The following PITRM1 variants were observed in gnomAD, a reference collection of about 807,000 sequenced individuals.
PITRM1 encodes presequence protease, mitochondrial.
PITRM1 carries 100 observed loss-of-function variants against 129.9 expected under a neutral mutation model. The ratio of observed to expected loss-of-function variants is 0.77; its 90% confidence interval spans 0.65 to 0.91. PITRM1 has a LOEUF of 0.91. Ranked by LOEUF, PITRM1 falls within the 40% of genes least tolerant of loss-of-function variation. The pLI, the probability that PITRM1 is intolerant of heterozygous loss-of-function variation, is 0.00. For missense variants in PITRM1, 1,471 were observed against 1,318.3 expected, an observed-to-expected ratio of 1.12 and a Z score of -1.79; for synonymous variants, 591 against 508.8, an observed-to-expected ratio of 1.16 and a Z score of -2.17.
chr10:3,149,377 T>C (rs1841266466), intron 16 of PITRM1: 1 of 345,382 alleles, frequency 2.9e-6, no homozygotes, highest in African/African-American at 2.1e-5. Flanking sequence ...CTTCATAGGC[T>C]GAGATGGAGA....
At position 3,158,916 on chromosome 10, in the gene PITRM1, A is replaced by G; in HGVS notation, c.1134T>C (p.Val378=). 1 of 1,613,046 alleles carries G rather than the reference A, an allele frequency of 6.2e-7. No homozygotes were observed. The highest frequency in any genetic ancestry group is 1.1e-5 in the South Asian group (1 of 90,884). Reference sequence around the variant, plus strand: ...ATCTAATCTAATCATAAACTCACCCAACATCAGGAGAAAAGTCTGTGCCAA... The same window carrying G: ...ATCTAATCTAATCATAAACTCACCCGACATCAGGAGAAAAGTCTGTGCCAA... ...SGLGTDFSPD[V]GYNGYTREAY... The change falls in exon 10 of 27, where the codon GTT becomes GTC. Residue 378 remains valine (V), a splice_region_variant and synonymous_variant. Transcript: ENST00000224949.
chr10:3,161,874 G>T (rs1410887781), intron 7 of PITRM1, among the ~76,000 whole-genome samples: 1 of 148,014 alleles, frequency 6.8e-6, no homozygotes, highest in African/African-American at 2.5e-5. Flanking sequence ...AAGAAGAAAA[G>T]AAAGAACTCT....
At chr10:3,154,700 G>GT (rs1252495741) in intron 14 of PITRM1, among the ~76,000 whole-genome samples, 6 of 152,122 alleles carry the variant, frequency 3.9e-5, no homozygotes, top group Non-Finnish European at 8.8e-5. Flanking sequence ...TGAATTGTTC[G>GT]TTTTTCGTAT....
Position 3,147,186 on chromosome 10 carries a change from C to T in PITRM1, c.2300G>A (p.Arg767His), listed in dbSNP as rs534896908. The T allele has an allele frequency of 4.5e-5, 73 of 1,605,500 alleles. No individual in the cohort carries two copies. The highest frequency in any genetic ancestry group is 8.3e-5 in the Admixed American group (5 of 59,962). Residue 767 changes from arginine (R) to histidine (H), a missense_variant, in exon 20 of 27, where the codon CGT (arginine) becomes CAT (histidine). Coordinates refer to ENST00000224949, the MANE Select transcript of PITRM1 (RefSeq NM_014889.4). ...DIKPILRKLP[R>H]IKKHLLNGDN... ...ACCATTTAACAAGTGTTTCTTGATACGCGGGAGCTTCCTCAGGATGGGTTT... is the reference window on the plus strand; with the variant it reads ...ACCATTTAACAAGTGTTTCTTGATATGCGGGAGCTTCCTCAGGATGGGTTT...
chr10:3,150,442 T>A (rs566805581), intron 15 of PITRM1, among the ~76,000 whole-genome samples: 1 of 152,104 alleles, frequency 6.6e-6, no homozygotes, highest in Non-Finnish European at 1.5e-5. Flanking sequence ...GATACAAACA[T>A]GACAAGCGCT....
At chr10:3,141,864 C>T in intron 23 of PITRM1, 1 of 230,150 alleles carries the variant, frequency 4.3e-6, no homozygotes, top group South Asian at 4.3e-5. Flanking sequence ...AAACCCAGCG[C>T]CACTCGGGTG....
chr10:3,163,857 T>A lies in PITRM1; in HGVS notation c.659A>T (p.His220Leu). ...FTDNERIFSQHLQNRLLPDHT... is the reference protein window; with the variant it reads ...FTDNERIFSQLLQNRLLPDHT... Reference sequence around the variant, plus strand: ...GTCAGGAAGAAGTCTGTTCTGAAGGTGCTGGGAGAATATCCTCTCATTGTC... The same window carrying A: ...GTCAGGAAGAAGTCTGTTCTGAAGGAGCTGGGAGAATATCCTCTCATTGTC... Residue 220 changes from histidine to leucine, a missense_variant, in exon 7 of 27, where the codon CAC becomes CTC. Physicochemically the swap from His to Leu is moderately conservative, Grantham distance 99. Transcript: ENST00000224949. The A allele has an allele frequency of 6.2e-7, 1 of 1,608,564 alleles. No homozygotes were observed. The highest frequency in any genetic ancestry group is 8.5e-7 in the Non-Finnish European group (1 of 1,177,464).
intron 16 of PITRM1, chr10:3,148,538 C>T (rs771606246): frequency 3.6e-5 from 17 of 467,102 alleles, no homozygotes; most frequent in Non-Finnish European, 5.7e-5. Context: ...AGGCACAAGA[C>T]ACTTGGGCAG....
At chr10:3,167,920 G>A (rs568541571) in intron 2 of PITRM1, 1 of 152,264 alleles carries the variant, frequency 6.6e-6, no homozygotes, top group South Asian at 2.1e-4. Flanking sequence ...CCACAAGACA[G>A]ACGAAAGACT....
chr10:3,144,131 G>T (rs1840581074), intron 22 of PITRM1, 161 bp downstream of exon 22: 2 of 608,414 alleles, frequency 3.3e-6, no homozygotes, highest in African/African-American at 1.9e-5. Flanking sequence ...GAGAGAAAAG[G>T]CTCAGGGTGG....
intron 14 of PITRM1, among the ~76,000 whole-genome samples, chr10:3,155,027 TCTC>T (rs1345772769): frequency 1.3e-5 from 2 of 152,186 alleles, no homozygotes; most frequent in Non-Finnish European, 2.9e-5. Context: ...ACCCGACAGT[TCTC>T]CTGCCTTAAT....
chr10:3,140,662 A>G (rs1840094825), intron 24 of PITRM1, 25 bp downstream of exon 24: 6 of 1,585,650 alleles, frequency 3.8e-6, no homozygotes, highest in East Asian at 2.3e-5. Flanking sequence ...GTGCATCCCA[A>G]TGTGTGAACT....
Position 3,137,794 on chromosome 10 carries a change from C to T in PITRM1, c.*237G>A. 1 of 533,964 alleles carries T rather than the reference C, an allele frequency of 1.9e-6. No homozygotes were observed. Among genetic ancestry groups the T allele is most frequent in the Non-Finnish European group, 3.4e-6 (1 of 296,106 alleles). The allele number at this position is 533,964 out of a possible 1,614,324, so 33.1% of individuals were successfully genotyped here. On this transcript the variant is annotated 3_prime_UTR_variant, in exon 27 of 27. Coordinates refer to ENST00000224949, the MANE Select transcript of PITRM1 (RefSeq NM_014889.4). Reference sequence around the variant, plus strand: ...CTAGAATGAGGTAAAACGAGCCTGCCAGTACAAAGTGAAAATTCTACATGG... The same window carrying T: ...CTAGAATGAGGTAAAACGAGCCTGCTAGTACAAAGTGAAAATTCTACATGG...
rs575845470 is a variant in PITRM1 at position 3,143,035 on chromosome 10, C to T, written c.2645+354G>A. 3.1e-3 allele frequency: 711 copies of T among 231,162 alleles called. 3 individuals carry two copies. The highest frequency in any genetic ancestry group is 0.015 in the African/African-American group (667 of 43,448). 14.3% of individuals were successfully genotyped at this position (231,162 alleles called of 1,614,324 possible). On this transcript the variant is annotated intron_variant, in intron 23 of 26. Transcript: ENST00000224949. ...CTGTCCTCATGAAGGCTTAACCTAC[C>T]ATGTTTATCAGAAATCTCAGCCTAA...
chr10:3,145,457 A>G (rs772742876), intron 21 of PITRM1, 139 bp downstream of exon 21: 3 of 695,578 alleles, frequency 4.3e-6, no homozygotes, highest in Non-Finnish European at 7.1e-6. Context: ...CCTGAACCTC[A>G]GTTTCTTCAT....
chr10:3,172,353 G>C, intron 1 of PITRM1: 1 of 487,024 alleles, frequency 2.1e-6, no homozygotes, highest in Non-Finnish European at 3.9e-6. Flanking sequence ...GGTCTCTTAA[G>C]GACTCGGCCT....
intron 7 of PITRM1, chr10:3,163,524 G>A (rs1284873149): frequency 6.6e-6 from 3 of 452,312 alleles, no homozygotes; most frequent in Non-Finnish European, 1.2e-5. Context: ...CCACCATGCT[G>A]AGCCTCCTGA....
intron 12 of PITRM1, 24 bp downstream of exon 12, chr10:3,157,407 AAAAC>A: frequency 1.4e-6 from 2 of 1,440,364 alleles, no homozygotes; most frequent in African/African-American, 1.4e-5. Flanking sequence ...TTATAAAACA[AAAAC>A]AAAATTGTTG....
chr10:3,145,399 G>A, intron 21 of PITRM1, 197 bp downstream of exon 21: 2 of 592,238 alleles, frequency 3.4e-6, no homozygotes, highest in Non-Finnish European at 3.0e-6. Flanking sequence ...ACACCGCAGG[G>A]TCTGAACTCA....
Sources: gnomAD v4.1 joint callset for allele counts (sites outside exome capture counted in the v4.1 genomes callset) on GRCh38, gnomAD v4.1.1 for gene constraint, MANE v1.5 for transcripts, NCBI Gene and HGNC (gene_info 2026-07-23, HGNC 2026-07-21) for gene names.